SLC16A2: variants seen among roughly 807,000 people sequenced by gnomAD.
The protein encoded by SLC16A2 is solute carrier family 16 member 2.
Under a neutral mutation model 27.2 loss-of-function variants are expected in SLC16A2, and 3 were observed. The observed-to-expected ratio is 0.11, with a 90% CI of 0.05 to 0.28. SLC16A2 has a LOEUF of 0.28. Among genes scored for constraint, SLC16A2 ranks in the 10% least tolerant of loss-of-function variants. The pLI, the probability that SLC16A2 is intolerant of heterozygous loss-of-function variation, is 1.00. For missense variants in SLC16A2, 295 were observed against 458.5 expected, an observed-to-expected ratio of 0.64 and a Z score of 3.26; for synonymous variants, 202 against 187.8, an observed-to-expected ratio of 1.08 and a Z score of -0.62.
intron 1 of SLC16A2, among the ~76,000 whole-genome samples, chrX:74,490,306 C>T (rs1430970109): frequency 1.8e-5 from 2 of 109,724 alleles, no homozygotes; most frequent in Admixed American, 1.9e-4. Flanking sequence ...ATGGAGTGCC[C>T]CAAAGGGGGT....
chrX:74,506,640 C>G (rs1009796085), intron 1 of SLC16A2, among the ~76,000 whole-genome samples: 4 of 111,002 alleles, frequency 3.6e-5, no homozygotes, highest in Non-Finnish European at 1.9e-5. Context: ...GAGAGAAAAG[C>G]AGGTCTAGGG....
chrX:74,434,797 G>A (rs1249422324), intron 1 of SLC16A2, among the ~76,000 whole-genome samples: 1 of 107,799 alleles, frequency 9.3e-6, no homozygotes, highest in African/African-American at 3.4e-5. Flanking sequence ...TGTGGGCATT[G>A]TAGTTTACAT....
intron 2 of SLC16A2, 129 bp downstream of exon 2, chrX:74,521,263 T>G: frequency 5.0e-6 from 4 of 796,286 alleles, no homozygotes; most frequent in Non-Finnish European, 7.5e-6. Flanking sequence ...TCAAAGATCC[T>G]GCACCCTGGA....
At chrX:74,512,851 C>T (rs1930256247) in intron 1 of SLC16A2, among the ~76,000 whole-genome samples, 1 of 111,529 alleles carries the variant, frequency 9.0e-6, no homozygotes, top group African/African-American at 3.3e-5. Context: ...TGGTGTTGTG[C>T]TGCCCAGGTC....
intron 1 of SLC16A2, among the ~76,000 whole-genome samples, chrX:74,477,561 A>C (rs1929509593): frequency 9.0e-6 from 1 of 111,027 alleles, no homozygotes; most frequent in Admixed American, 9.6e-5. Context: ...TAGTTCTTTT[A>C]ATTGTGATTT....
intron 1 of SLC16A2, among the ~76,000 whole-genome samples, chrX:74,448,302 A>ATTTTTTTTTTTTTTTTTTTTTTTTT (rs144467927): frequency 1.6e-5 from 1 of 64,274 alleles, no homozygotes. Flanking sequence ...AATCCTTTGG[A>ATTTTTTTTTTTTTTTTTTTTTTTTT]TTTTTTTTTT....
At chrX:74,453,143 G>A (rs2147846178) in intron 1 of SLC16A2, among the ~76,000 whole-genome samples, 1 of 107,835 alleles carries the variant, frequency 9.3e-6, no homozygotes, top group African/African-American at 3.4e-5. Context: ...CTGGGTTCAA[G>A]CTATTCTCCC....
In SLC16A2 at chrX:74,532,082, T is replaced by G. The variant is rs1015303322; in HGVS notation, c.*529T>G. On this transcript the variant is annotated 3_prime_UTR_variant, in exon 6 of 6. Coordinates refer to ENST00000587091, the MANE Select transcript of SLC16A2 (RefSeq NM_006517.5). ...TGACTGTGGCTTCCCAAGAACTGGG[T>G]ACAAGCAGTGCCCTTATTGTATGGT... 2.1e-5 allele frequency: 3 copies of G among 143,001 alleles called. No homozygotes were observed. Among genetic ancestry groups the G allele is most frequent in the Admixed American group, 1.5e-4 (2 of 13,234 alleles). 11.8% of individuals were successfully genotyped at this position (143,001 alleles called of 1,213,427 possible). A position where few individuals can be genotyped will look rare whatever the true frequency, so the allele number is the denominator to read the frequency against.
chrX:74,490,312 G>T (rs888466916), intron 1 of SLC16A2, among the ~76,000 whole-genome samples: 1 of 109,891 alleles, frequency 9.1e-6, no homozygotes, highest in Non-Finnish European at 1.9e-5. Context: ...TGCCCCAAAG[G>T]GGGTAATTCT....
At chrX:74,450,570 A>G (rs59290886) in intron 1 of SLC16A2, among the ~76,000 whole-genome samples, 2,688 of 111,581 alleles carry the variant, frequency 0.024, 81 homozygotes, top group African/African-American at 0.084. Context: ...ACTTCCATCT[A>G]GTCATCAGAT....
chrX:74,425,688 C>G (rs886716309), intron 1 of SLC16A2, among the ~76,000 whole-genome samples: 3 of 111,235 alleles, frequency 2.7e-5, no homozygotes, highest in African/African-American at 9.8e-5. Context: ...TGAGTTGGAC[C>G]TGCAATAGGG....
intron 1 of SLC16A2, among the ~76,000 whole-genome samples, chrX:74,496,278 A>G (rs1159785081): frequency 2.8e-5 from 3 of 108,710 alleles, no homozygotes; most frequent in East Asian, 2.9e-4. Flanking sequence ...ACACACACGC[A>G]CACACACACA....
intron 1 of SLC16A2, among the ~76,000 whole-genome samples, chrX:74,490,219 C>G (rs1476124987): frequency 9.0e-6 from 1 of 110,999 alleles, no homozygotes; most frequent in Non-Finnish European, 1.9e-5. Context: ...GTTCTTTTTC[C>G]TTAACGTAAA....
chrX:74,509,215 C>T (rs779678811), intron 1 of SLC16A2, among the ~76,000 whole-genome samples: 2 of 111,021 alleles, frequency 1.8e-5, no homozygotes, highest in African/African-American at 3.3e-5. Flanking sequence ...CCACCCGCCT[C>T]GGCCTCCCAA....
At chrX:74,473,610 T>C in intron 1 of SLC16A2, 1 of 957,768 alleles carries the variant, frequency 1.0e-6, no homozygotes, top group South Asian at 1.9e-5. Flanking sequence ...GTGTCTTCTT[T>C]AATGCCACCA....
At chrX:74,467,411 G>A (rs948838052) in intron 1 of SLC16A2, among the ~76,000 whole-genome samples, 5 of 111,132 alleles carry the variant, frequency 4.5e-5, no homozygotes, top group South Asian at 3.9e-4. Flanking sequence ...GTGAAAAGCC[G>A]GTCAAGACCA....
At chrX:74,426,974 G>A (rs780955645) in intron 1 of SLC16A2, among the ~76,000 whole-genome samples, 33 of 111,960 alleles carry the variant, frequency 2.9e-4, no homozygotes, top group Non-Finnish European at 5.6e-4. Context: ...CCTGCATGTG[G>A]AGCTGCTTCT....
At chrX:74,487,065 A>G (rs1262047544) in intron 1 of SLC16A2, among the ~76,000 whole-genome samples, 2 of 110,721 alleles carry the variant, frequency 1.8e-5, no homozygotes, top group African/African-American at 6.6e-5. Flanking sequence ...GTAGGTTTTT[A>G]TGTTCTGGTC....
chrX:74,499,431 C>A (rs190008184), intron 1 of SLC16A2, among the ~76,000 whole-genome samples: 49 of 108,585 alleles, frequency 4.5e-4, no homozygotes, highest in African/African-American at 1.6e-3. Context: ...GCAATAATTT[C>A]TTTTTTCTTT....
Sources: allele counts gnomAD v4.1 joint callset (sites outside exome capture counted in the v4.1 genomes callset), GRCh38; gene constraint gnomAD v4.1.1; transcripts MANE v1.5; gene names NCBI Gene and HGNC (gene_info 2026-07-23, HGNC 2026-07-21).